LRCH3: variants seen among roughly 807,000 people sequenced by gnomAD.
LRCH3 encodes the protein leucine rich repeats and calponin homology domain containing 3, also known as DISP complex protein LRCH3.
In LRCH3, 68 loss-of-function variants were observed where a neutral mutation model predicts 104.5. That is an observed-to-expected ratio of 0.65 (90% CI 0.54 to 0.80). The LOEUF (loss-of-function observed/expected upper bound fraction) is 0.80, where lower values mean the gene tolerates loss of function less well. Ranked by LOEUF, LRCH3 falls within the 30% of genes least tolerant of loss-of-function variation. The pLI, the probability that LRCH3 is intolerant of heterozygous loss-of-function variation, is 0.00. For missense variants in LRCH3, 951 were observed against 953.9 expected (o/e 1.00, Z 0.04); for synonymous variants, 344 against 361.3 (o/e 0.95, Z 0.54).
chr3:197,791,475 GC>G lies in LRCH3; in HGVS notation c.199del (p.Arg67GlyfsTer3). ...AAVTGVLSLS[G>X]RKLREFPRGA... ...GTCACTGGGGTGCTGAGCCTGAGCG[GC>G]CGGAAACTGAGGGAGTTTCCCCGGG... On this transcript the variant is annotated frameshift_variant, in exon 1 of 21. Coordinates refer to ENST00000425562, the MANE Select transcript of LRCH3 (RefSeq NM_001365715.1). LOFTEE classifies it high-confidence loss of function. The G allele has an allele frequency of 6.2e-7, 1 of 1,601,210 alleles. No homozygotes were observed. The highest frequency in any genetic ancestry group is 8.5e-7 in the Non-Finnish European group (1 of 1,175,358).
At chr3:197,881,137 C>T in intron 20 of LRCH3, 1 of 1,020,994 alleles carries the variant, frequency 9.8e-7, no homozygotes, top group Non-Finnish European at 1.2e-6. Context: ...GTGACTGAAC[C>T]TTTGCAGCAG....
Position 197,817,292 on chromosome 3 carries a change from T to C in LRCH3, c.524T>C (p.Leu175Ser). ...GAAGAAATTGGACACCTTAGACATT[T>C]GATGGAACTTGTAAGTTAATATTTT... ...LPEEIGHLRH[L>S]MELDVSCNEI... is the part of the protein sequence containing the mutation. The change falls in exon 3 of 21, where the codon TTG (leucine) becomes TCG (serine). Residue 175 changes from leucine (L) to serine (S), a missense_variant. Leu to Ser is a moderately radical substitution (Grantham distance 145, BLOSUM62 -2). Transcript: ENST00000425562. The C allele has an allele frequency of 6.3e-7, 1 of 1,595,626 alleles. No individual in the cohort carries two copies. Among genetic ancestry groups the C allele is most frequent in the Non-Finnish European group, 8.5e-7 (1 of 1,171,886 alleles).
intron 20 of LRCH3, among the ~76,000 whole-genome samples, chr3:197,879,490 CA>C (rs1351562088): frequency 1.3e-5 from 2 of 150,758 alleles, no homozygotes; most frequent in Admixed American, 6.6e-5. Context: ...ACTAAAAATA[CA>C]AAAAATTAGC....
intron 15 of LRCH3, 179 bp downstream of exon 15, chr3:197,859,084 T>TAG: frequency 1.7e-6 from 1 of 603,936 alleles, no homozygotes; most frequent in Non-Finnish European, 3.0e-6. Context: ...TTTATGATGC[T>TAG]AGAGATAGTC....
chr3:197,882,418 G>GTAAGCACAAGTACCAA, intron 20 of LRCH3: 3 of 967,874 alleles, frequency 3.1e-6, no homozygotes, highest in Non-Finnish European at 3.7e-6. Flanking sequence ...TAAATAAAAA[G>GTAAGCACAAGTACCAA]TAAGCACAAG....
chr3:197,794,083 A>T (rs996330493), intron 1 of LRCH3, among the ~76,000 whole-genome samples: 1 of 152,068 alleles, frequency 6.6e-6, no homozygotes, highest in Admixed American at 6.5e-5. Context: ...TCATATGGCT[A>T]TCACCACTAT....
chr3:197,833,555 G>A (rs948482339), intron 8 of LRCH3, among the ~76,000 whole-genome samples: 2 of 151,854 alleles, frequency 1.3e-5, no homozygotes, highest in African/African-American at 4.8e-5. Context: ...AATCAGAAAT[G>A]TGGTTTTTCC....
intron 18 of LRCH3, among the ~76,000 whole-genome samples, chr3:197,871,013 A>T (rs76683810): frequency 0.031 from 4,757 of 152,258 alleles, 264 homozygotes; most frequent in African/African-American, 0.11. Context: ...ATATATAAAT[A>T]TCACACTTAC....
chr3:197,836,202 T>G (rs567513380), intron 9 of LRCH3, among the ~76,000 whole-genome samples: 1 of 152,366 alleles, frequency 6.6e-6, no homozygotes, highest in South Asian at 2.1e-4. Context: ...TAATTAACAG[T>G]TAAACCAAAA....
At chr3:197,818,548 A>G (rs933272393) in intron 3 of LRCH3, among the ~76,000 whole-genome samples, 2 of 152,248 alleles carry the variant, frequency 1.3e-5, no homozygotes, top group African/African-American at 2.4e-5. Flanking sequence ...TATTTAAACT[A>G]GAGTCTACAT....
At chr3:197,791,562 T>C (rs1404204567) in intron 1 of LRCH3, 22 bp downstream of exon 1, 7 of 1,521,686 alleles carry the variant, frequency 4.6e-6, no homozygotes, top group African/African-American at 4.3e-5. Flanking sequence ...GGGGGGCGTC[T>C]CTGCCCGTCG....
At position 197,838,006 on chromosome 3, in the gene LRCH3, G is replaced by A. The variant is rs1737110250; in HGVS notation, c.1252-1315G>A. 2.0e-5 allele frequency among the ~76,000 whole-genome samples: 3 copies of A among 152,212 alleles called. No individual in the cohort carries two copies. The South Asian group carries it at 6.2e-4, about 32-fold the overall frequency. ...ACCTGGGCAGCGGACATTGCAGTGA[G>A]CCGAGATTGTGCTACTGCACTCCAG... On this transcript the variant is annotated intron_variant, in intron 9 of 20. Transcript: ENST00000425562.
At position 197,845,003 on chromosome 3, in the gene LRCH3, G is replaced by A. The variant is rs559511993; in HGVS notation, c.1329-2406G>A. On this transcript the variant is annotated intron_variant, in intron 10 of 20. Transcript: ENST00000425562. ...GTCAAGATCATTGACAGACTTGTGAGGTGAAAGAAAGTTTTAGTGAAACTG... is the reference window on the plus strand; with the variant it reads ...GTCAAGATCATTGACAGACTTGTGAAGTGAAAGAAAGTTTTAGTGAAACTG... Among the ~76,000 whole-genome samples the A allele has an allele frequency of 6.6e-5, 10 of 152,294 alleles. No individual in the cohort carries two copies. In the South Asian group the frequency reaches 1.5e-3, roughly 22 times the overall value.
rs1413543026 is a variant in LRCH3, at chr3:197,800,460, T to C, written c.262+8920T>C. On this transcript the variant is annotated intron_variant, in intron 1 of 20. Coordinates refer to ENST00000425562, the MANE Select transcript of LRCH3 (RefSeq NM_001365715.1). Reference sequence around the variant, plus strand: ...TGAACCTCATCAGTAATCAAGAGATTGAAAAATAAAACCACAGTGGGTACT... The same window carrying C: ...TGAACCTCATCAGTAATCAAGAGATCGAAAAATAAAACCACAGTGGGTACT... Among the ~76,000 whole-genome samples, 3 of 152,230 alleles carry C rather than the reference T, an allele frequency of 2.0e-5. No individual in the cohort carries two copies. The East Asian group carries it at 5.8e-4, about 29-fold the overall frequency.
At chr3:197,794,461 A>G (rs1419528916) in intron 1 of LRCH3, among the ~76,000 whole-genome samples, 1 of 152,200 alleles carries the variant, frequency 6.6e-6, no homozygotes, top group African/African-American at 2.4e-5. Context: ...TTTGGAACCA[A>G]CTTATGGTAG....
chr3:197,866,078 C>T, intron 16 of LRCH3, 34 bp from the exon 17 acceptor site: 4 of 1,478,840 alleles, frequency 2.7e-6, no homozygotes, highest in Non-Finnish European at 3.8e-6. Flanking sequence ...TTTTCATCTC[C>T]TTTAATCTCA....
At position 197,791,322 on chromosome 3, in the gene LRCH3, A is replaced by G; in HGVS notation, c.44A>G (p.Tyr15Cys). ...GLVAVAAAAE[Y>C]SGTVASGGNL... Reference sequence around the variant, plus strand: ...GTCGCTGTGGCAGCGGCTGCCGAGTACTCTGGCACGGTAGCGTCGGGAGGT... The same window carrying G: ...GTCGCTGTGGCAGCGGCTGCCGAGTGCTCTGGCACGGTAGCGTCGGGAGGT... Residue 15 changes from tyrosine (Y) to cysteine (C), a missense_variant, in exon 1 of 21, where the codon TAC becomes TGC. Tyr to Cys is a radical substitution (Grantham distance 194, BLOSUM62 -2). Coordinates refer to ENST00000425562, the MANE Select transcript of LRCH3 (RefSeq NM_001365715.1). 1 of 1,609,078 alleles carries G rather than the reference A, an allele frequency of 6.2e-7. No individual in the cohort carries two copies. The highest frequency in any genetic ancestry group is 1.7e-5 in the Admixed American group (1 of 59,600).
intron 4 of LRCH3, among the ~76,000 whole-genome samples, chr3:197,821,963 T>G (rs1290959122): frequency 3.3e-5 from 5 of 152,352 alleles, no homozygotes; most frequent in Non-Finnish European, 7.3e-5. Flanking sequence ...CGTGAGCCAC[T>G]GCACCTGGCC....
intron 4 of LRCH3, among the ~76,000 whole-genome samples, chr3:197,822,476 A>C (rs1734602765): frequency 6.6e-6 from 1 of 152,216 alleles, no homozygotes; most frequent in Admixed American, 6.5e-5. Flanking sequence ...ATGACAATGG[A>C]AGCTTAATAG....
Sources: gnomAD v4.1 joint callset for allele counts (sites outside exome capture counted in the v4.1 genomes callset) on GRCh38, gnomAD v4.1.1 for gene constraint, MANE v1.5 for transcripts, NCBI Gene and HGNC (gene_info 2026-07-23, HGNC 2026-07-21) for gene names.